Variants in ZFAND3 observed in about 807,000 individuals in gnomAD.
The protein encoded by ZFAND3 is AN1-type zinc finger protein 3.
A neutral mutation model predicts 29.6 loss-of-function variants in ZFAND3; 10 were observed. The observed-to-expected ratio is 0.34, with a 90% CI of 0.21 to 0.57. The LOEUF (loss-of-function observed/expected upper bound fraction) is 0.57, where lower values mean the gene tolerates loss of function less well. Ranked by LOEUF, ZFAND3 falls within the 20% of genes least tolerant of loss-of-function variation. The pLI is 0.86. For missense variants in ZFAND3, 230 were observed against 304.5 expected (o/e 0.76, Z 1.82); for synonymous variants, 128 against 112.6 (o/e 1.14, Z -0.87).
At chr6:38,017,892 G>A (rs1763279324) in intron 2 of ZFAND3, among the ~76,000 whole-genome samples, 2 of 152,062 alleles carry the variant, frequency 1.3e-5, no homozygotes, top group South Asian at 4.1e-4. Context: ...CTGGTTTTGG[G>A]TATTGTCCCC....
Position 38,002,097 on chromosome 6 carries a change from CAA to C in ZFAND3, c.113-59495_113-59494del, listed in dbSNP as rs756538532. Among the ~76,000 whole-genome samples, 9 of 152,184 alleles carry C rather than the reference CAA, an allele frequency of 5.9e-5. No individual in the cohort carries two copies. The East Asian group carries it at 1.7e-3, about 29-fold the overall frequency. ...TAAAACGGCTGAATTATAGAATACT[CAA>C]GAGATGTTGTTTTCCTTAAGAAGAT... On this transcript the variant is annotated intron_variant, in intron 2 of 5. Transcript: ENST00000287218.
intron 2 of ZFAND3, among the ~76,000 whole-genome samples, chr6:37,942,276 T>C (rs1261731113): frequency 1.5e-5 from 2 of 134,862 alleles, no homozygotes; most frequent in African/African-American, 5.2e-5. Flanking sequence ...TATATATTTT[T>C]TTTTCTTTGA....
chr6:38,025,933 G>A (rs1646578989), intron 2 of ZFAND3, among the ~76,000 whole-genome samples: 1 of 152,052 alleles, frequency 6.6e-6, no homozygotes, highest in African/African-American at 2.4e-5. Context: ...TTCTTTCTGG[G>A]GTGATGAAAA....
At chr6:38,022,990 T>A (rs1316248969) in intron 2 of ZFAND3, among the ~76,000 whole-genome samples, 4 of 152,178 alleles carry the variant, frequency 2.6e-5, no homozygotes, top group African/African-American at 9.7e-5. Flanking sequence ...TGGTTAGCTT[T>A]AAGGACAAAG....
At chr6:38,148,126 A>AT (rs914626555) in intron 5 of ZFAND3, among the ~76,000 whole-genome samples, 1 of 151,962 alleles carries the variant, frequency 6.6e-6, no homozygotes, top group African/African-American at 2.4e-5. Context: ...TTTTGAGTTG[A>AT]TTTTTGTGTG....
At chr6:37,900,325 A>G (rs1430348021) in intron 1 of ZFAND3, among the ~76,000 whole-genome samples, 1 of 152,158 alleles carries the variant, frequency 6.6e-6, no homozygotes, top group African/African-American at 2.4e-5. Context: ...AGTACTCTTG[A>G]GAATTAGAAA....
At chr6:37,913,591 T>C (rs536533007) in intron 1 of ZFAND3, among the ~76,000 whole-genome samples, 3 of 152,164 alleles carry the variant, frequency 2.0e-5, no homozygotes, top group Non-Finnish European at 4.4e-5. Context: ...TGTTGCTTTT[T>C]TGACCTCTTC....
chr6:37,988,043 A>G (rs1032288788), intron 2 of ZFAND3, among the ~76,000 whole-genome samples: 1 of 152,236 alleles, frequency 6.6e-6, no homozygotes, highest in African/African-American at 2.4e-5. Context: ...GGTTAAAGTT[A>G]TTGCAGTTAG....
chr6:37,913,711 T>C (rs2127405952), intron 1 of ZFAND3, among the ~76,000 whole-genome samples: 1 of 144,722 alleles, frequency 6.9e-6, no homozygotes, highest in East Asian at 2.0e-4. Flanking sequence ...CTATATTCTT[T>C]TTTTTTTTTT....
chr6:37,913,290 A>G (rs966649466), intron 1 of ZFAND3, among the ~76,000 whole-genome samples: 2 of 152,176 alleles, frequency 1.3e-5, no homozygotes, highest in African/African-American at 4.8e-5. Flanking sequence ...ATCCTCTCGA[A>G]CCCTGCTGCT....
At chr6:38,004,215 G>A (rs1293405305) in intron 2 of ZFAND3, among the ~76,000 whole-genome samples, 1 of 152,112 alleles carries the variant, frequency 6.6e-6, no homozygotes, top group Non-Finnish European at 1.5e-5. Flanking sequence ...GATATATTCA[G>A]GTTGAGATCT....
At chr6:37,945,138 T>C (rs1032671324) in intron 2 of ZFAND3, among the ~76,000 whole-genome samples, 3 of 152,208 alleles carry the variant, frequency 2.0e-5, no homozygotes, top group African/African-American at 4.8e-5. Flanking sequence ...CAGTGCCATG[T>C]TGGGTCCACT....
intron 5 of ZFAND3, among the ~76,000 whole-genome samples, chr6:38,140,172 G>C (rs551448924): frequency 1.1e-4 from 16 of 152,324 alleles, no homozygotes; most frequent in African/African-American, 3.6e-4. Flanking sequence ...ATGCCAAGTA[G>C]ATAATTGAAT....
At chr6:38,013,126 AT>A in intron 2 of ZFAND3, among the ~76,000 whole-genome samples, 1 of 152,364 alleles carries the variant, frequency 6.6e-6, no homozygotes, top group East Asian at 1.9e-4. Context: ...ACACTGTTAT[AT>A]ATATCATTCC....
intron 1 of ZFAND3, among the ~76,000 whole-genome samples, chr6:37,840,435 T>G (rs929182415): frequency 2.6e-5 from 4 of 152,258 alleles, no homozygotes; most frequent in African/African-American, 9.6e-5. Flanking sequence ...TATGCCAATG[T>G]CACACTGTCT....
At chr6:38,064,078 A>T (rs1354603500) in intron 3 of ZFAND3, among the ~76,000 whole-genome samples, 1 of 152,178 alleles carries the variant, frequency 6.6e-6, no homozygotes, top group Non-Finnish European at 1.5e-5. Flanking sequence ...CTCTTGTCCT[A>T]GAAAAATATA....
At chr6:38,124,394 G>A (rs1431682258) in intron 5 of ZFAND3, among the ~76,000 whole-genome samples, 1 of 152,212 alleles carries the variant, frequency 6.6e-6, no homozygotes, top group Non-Finnish European at 1.5e-5. Flanking sequence ...GCTCCTAGGG[G>A]AGGCTCGGGG....
At chr6:38,111,386 A>T (rs1260070193) in intron 4 of ZFAND3, among the ~76,000 whole-genome samples, 1 of 152,184 alleles carries the variant, frequency 6.6e-6, no homozygotes, top group Non-Finnish European at 1.5e-5. Flanking sequence ...TAGTGTTTAT[A>T]TTGTATTAGG....
chr6:37,914,259 T>C (rs1022255191), intron 1 of ZFAND3, among the ~76,000 whole-genome samples: 15 of 152,194 alleles, frequency 9.9e-5, no homozygotes, highest in African/African-American at 3.4e-4. Context: ...CTTAAAATAT[T>C]CAGTAAACCA....
Sources: allele counts gnomAD v4.1 joint callset (sites outside exome capture counted in the v4.1 genomes callset), GRCh38; gene constraint gnomAD v4.1.1; transcripts MANE v1.5; gene names NCBI Gene and HGNC (gene_info 2026-07-23, HGNC 2026-07-21).